The following STAG1 variants were observed in gnomAD, a reference collection of about 807,000 sequenced individuals.
The protein encoded by STAG1 is cohesin subunit SA-1.
A neutral mutation model predicts 170.9 loss-of-function variants in STAG1; 26 were observed. The observed-to-expected ratio is 0.15, with a 90% CI of 0.11 to 0.21. STAG1 has a LOEUF of 0.21. Among genes scored for constraint, STAG1 ranks in the 10% least tolerant of loss-of-function variants. The pLI is 1.00. For missense variants in STAG1, 964 were observed against 1,509.5 expected (o/e 0.64, Z 5.99); for synonymous variants, 514 against 497.7 (o/e 1.03, Z -0.44).
intron 3 of STAG1, chr3:136,609,201 T>TC (rs1939129240): frequency 6.5e-6 from 1 of 152,830 alleles, no homozygotes; most frequent in African/African-American, 2.4e-5. Flanking sequence ...CAGGGCCAGG[T>TC]ACAGTGGCTC....
At chr3:136,534,628 C>A (rs1423768162) in intron 6 of STAG1, among the ~76,000 whole-genome samples, 1 of 151,826 alleles carries the variant, frequency 6.6e-6, no homozygotes, top group Non-Finnish European at 1.5e-5. Context: ...CTTAAATGGC[C>A]AACAGGTATA....
At chr3:136,556,941 G>A (rs1936648222) in intron 5 of STAG1, among the ~76,000 whole-genome samples, 1 of 152,060 alleles carries the variant, frequency 6.6e-6, no homozygotes, top group African/African-American at 2.4e-5. Flanking sequence ...TTCTAGTCAA[G>A]AAATTTTTTG....
intron 7 of STAG1, chr3:136,518,239 ATAACTAACCTGAT>A (rs1240426017): frequency 1.7e-6 from 1 of 573,716 alleles, no homozygotes; most frequent in East Asian, 2.9e-5. Context: ...ACCCTACAAA[ATAACTAACCTGAT>A]TGTCTCTCTT....
chr3:136,552,269 C>T (rs921753525), intron 5 of STAG1, among the ~76,000 whole-genome samples: 3 of 152,128 alleles, frequency 2.0e-5, no homozygotes, highest in African/African-American at 4.8e-5. Flanking sequence ...CAAAATTATT[C>T]ATTTCCACAA....
chr3:136,656,722 C>T (rs1271691799), intron 1 of STAG1, among the ~76,000 whole-genome samples: 2 of 150,954 alleles, frequency 1.3e-5, no homozygotes, highest in African/African-American at 2.5e-5. Context: ...GAAAGCAAGG[C>T]TTTGAATGAG....
At chr3:136,654,766 C>T (rs1941322285) in intron 1 of STAG1, among the ~76,000 whole-genome samples, 1 of 152,130 alleles carries the variant, frequency 6.6e-6, no homozygotes, top group South Asian at 2.1e-4. Flanking sequence ...CTCAAAACTA[C>T]AGTAATTAAA....
intron 5 of STAG1, among the ~76,000 whole-genome samples, chr3:136,552,988 C>CA (rs1358155781): frequency 2.0e-5 from 3 of 151,592 alleles, no homozygotes; most frequent in Non-Finnish European, 2.9e-5. Context: ...AGACAACATG[C>CA]AAAAAACAAG....
chr3:136,720,283 C>CA (rs1933165588), intron 1 of STAG1, among the ~76,000 whole-genome samples: 1 of 151,390 alleles, frequency 6.6e-6, no homozygotes, highest in Non-Finnish European at 1.5e-5. Context: ...ACATAAAATC[C>CA]AAAATAGGTG....
chr3:136,359,366 A>C, intron 26 of STAG1, 70 bp from the exon 27 acceptor site: 1 of 1,144,776 alleles, frequency 8.7e-7, no homozygotes, highest in Non-Finnish European at 1.2e-6. Flanking sequence ...CAGAATAGGT[A>C]ATTAAAAAAT....
At chr3:136,578,028 T>C (rs935455771) in intron 4 of STAG1, among the ~76,000 whole-genome samples, 17 of 152,218 alleles carry the variant, frequency 1.1e-4, no homozygotes, top group Admixed American at 9.2e-4. Flanking sequence ...GTGAGAACTA[T>C]ACACATGCAG....
At chr3:136,475,625 A>G (rs1211156047) in intron 10 of STAG1, among the ~76,000 whole-genome samples, 1 of 152,226 alleles carries the variant, frequency 6.6e-6, no homozygotes. Context: ...GCTATGAGGT[A>G]AGACTCAATG....
intron 28 of STAG1, among the ~76,000 whole-genome samples, chr3:136,351,743 T>C (rs1031261760): frequency 1.3e-5 from 2 of 152,198 alleles, no homozygotes; most frequent in African/African-American, 4.8e-5. Context: ...TTCTCAGGAA[T>C]AATCAGAGAG....
At chr3:136,400,539 C>CTT (rs560722126) in intron 21 of STAG1, among the ~76,000 whole-genome samples, 2 of 139,824 alleles carry the variant, frequency 1.4e-5, no homozygotes, top group Non-Finnish European at 3.1e-5. Context: ...AATTTTCTTT[C>CTT]TTTTTTTTTT....
intron 8 of STAG1, among the ~76,000 whole-genome samples, chr3:136,501,632 G>A (rs761358812): frequency 2.0e-5 from 3 of 152,160 alleles, no homozygotes; most frequent in Non-Finnish European, 2.9e-5. Flanking sequence ...AAGCCTGTGA[G>A]ATTATAATAA....
intron 32 of STAG1, among the ~76,000 whole-genome samples, chr3:136,340,046 A>C (rs1174423469): frequency 6.6e-6 from 1 of 152,232 alleles, no homozygotes; most frequent in Non-Finnish European, 1.5e-5. Context: ...CTGCTTTGAA[A>C]GGAGGCTTGA....
intron 1 of STAG1, chr3:136,737,151 A>G (rs1159059085): frequency 2.6e-6 from 2 of 783,482 alleles, no homozygotes; most frequent in Non-Finnish European, 4.6e-6. Flanking sequence ...TCTCTTCTCT[A>G]TTTGTTTCAC....
intron 14 of STAG1, among the ~76,000 whole-genome samples, chr3:136,451,783 T>C (rs938346688): frequency 1.3e-5 from 2 of 151,472 alleles, no homozygotes; most frequent in African/African-American, 4.9e-5. Flanking sequence ...AAAAAAAAGA[T>C]ATGCAGTATT....
chr3:136,552,968 C>G (rs1210056100), intron 5 of STAG1, among the ~76,000 whole-genome samples: 1 of 151,806 alleles, frequency 6.6e-6, no homozygotes, highest in Non-Finnish European at 1.5e-5. Flanking sequence ...ACAAAATACA[C>G]CAAGAAGAAA....
intron 1 of STAG1, among the ~76,000 whole-genome samples, chr3:136,709,525 A>G (rs1369923799): frequency 6.6e-6 from 1 of 151,962 alleles, no homozygotes; most frequent in Admixed American, 6.6e-5. Context: ...GCTTGAGGTC[A>G]GGAGTTCAAG....
Sources: gnomAD v4.1 joint callset for allele counts (sites outside exome capture counted in the v4.1 genomes callset) on GRCh38, gnomAD v4.1.1 for gene constraint, MANE v1.5 for transcripts, NCBI Gene and HGNC (gene_info 2026-07-23, HGNC 2026-07-21) for gene names.